CARD6: variants seen among roughly 807,000 people sequenced by gnomAD.
CARD6 encodes the protein caspase recruitment domain family member 6, also known as caspase recruitment domain-containing protein 6.
In CARD6, 27 loss-of-function variants were observed where a neutral mutation model predicts 23.6. The ratio of observed to expected loss-of-function variants is 1.14; its 90% CI spans 0.84 to 1.58. The LOEUF (loss-of-function observed/expected upper bound fraction) is 1.58. Ranked by LOEUF, CARD6 falls within the 40% of genes most tolerant of loss-of-function variation. The probability of loss-of-function intolerance (pLI) is 0.00; values close to 1 mark genes in which losing one functional copy is unlikely to be tolerated. For synonymous variants in CARD6, 397 were observed against 431.8 expected (o/e 0.92, Z 1.00); for missense variants, 1,214 against 1,209.9 (o/e 1.00, Z -0.05).
Position 40,853,219 on chromosome 5 carries a change from C to G in CARD6, c.1887C>G (p.Leu629=). 1 of 1,614,132 alleles carries G rather than the reference C, an allele frequency of 6.2e-7. No homozygotes were observed. Among genetic ancestry groups the G allele is most frequent in the South Asian group, 1.1e-5 (1 of 91,080 alleles). Residue 629 remains leucine, a synonymous_variant, in exon 3 of 3, where the codon CTC becomes CTG. Transcript: ENST00000254691. ...ACATGGAGGGCCTTCAAGCTGCCCT[C>G]CAGGAAGTGATGTTCTCTTCTTGCC... ...RKNMEGLQAA[L]QEVMFSSCLR... is the part of the protein sequence containing the mutation.
At position 40,854,053 on chromosome 5, in the gene CARD6, A is replaced by G. The variant is rs769316058; in HGVS notation, c.2721A>G (p.Lys907=). The G allele has an allele frequency of 8.1e-6, 13 of 1,614,034 alleles. No homozygotes were observed. The Admixed American group carries it at 1.8e-4, about 23-fold the overall frequency. ...QSFQPAAATQ[K]LRPASQQGVQ... ...TTCAACCAGCAGCAGCCACACAAAA[A>G]CTAAGACCTGCTTCTCAGCAAGGAG... Residue 907 remains lysine, a synonymous_variant, in exon 3 of 3, where the codon AAA becomes AAG. Coordinates refer to ENST00000254691, the MANE Select transcript of CARD6 (RefSeq NM_032587.4).
rs758517030 is a variant in CARD6, at chr5:40,852,168, C to G, written c.842-6C>G. ...ATGGCATTCACTATTATCTTCTCTC[C>G]TACAGAAAGAAAAAAGGTGTTTAAA... On this transcript the variant is annotated splice_polypyrimidine_tract_variant and splice_region_variant and intron_variant, in intron 2 of 2. Transcript: ENST00000254691. 1.3e-6 allele frequency: 2 copies of G among 1,566,576 alleles called. No individual in the cohort carries two copies. Among genetic ancestry groups the G allele is most frequent in the Admixed American group, 3.5e-5 (2 of 56,800 alleles).
At position 40,843,290 on chromosome 5, in the gene CARD6, A is replaced by G. The variant is rs1242997361; in HGVS notation, c.422A>G (p.Asp141Gly). The G allele has an allele frequency of 1.2e-6, 2 of 1,614,160 alleles. No individual in the cohort carries two copies. The highest frequency in any genetic ancestry group is 1.7e-6 in the Non-Finnish European group (2 of 1,180,022). The stretch of plus-strand genomic sequence containing the variant: ...TTCTTCAGTGAGAAGGAACACTTGG[A>G]TTTGGAAACCTCTGAGTTTTTCAGG... ...TVFFSEKEHL[D>G]LETSEFFRDK... Residue 141 changes from aspartate to glycine, a missense_variant, in exon 2 of 3, where the codon GAT becomes GGT. Coordinates refer to ENST00000254691, the MANE Select transcript of CARD6 (RefSeq NM_032587.4).
rs1489541993 is a variant in CARD6 at position 40,841,528 on chromosome 5, A to G, written c.146A>G (p.Asn49Ser). The G allele has an allele frequency of 6.2e-7, 1 of 1,614,158 alleles. No individual in the cohort carries two copies. The highest frequency in any genetic ancestry group is 8.5e-7 in the Non-Finnish European group (1 of 1,180,004). ...GAGGAAGAGTATGAGACTCTGGAGAATGTTACAGATCTCCTGAAGAAAAGT... is the reference window on the plus strand; with the variant it reads ...GAGGAAGAGTATGAGACTCTGGAGAGTGTTACAGATCTCCTGAAGAAAAGT... ...ISEEEYETLE[N>S]VTDLLKKSRK... is the part of the protein sequence containing the mutation. The change falls in exon 1 of 3, where the codon AAT becomes AGT. Residue 49 changes from asparagine to serine, a missense_variant. Coordinates refer to ENST00000254691, the MANE Select transcript of CARD6 (RefSeq NM_032587.4).
intron 2 of CARD6, among the ~76,000 whole-genome samples, chr5:40,848,201 AT>A: frequency 7.0e-6 from 1 of 143,670 alleles, no homozygotes; most frequent in East Asian, 2.2e-4. Flanking sequence ...GACTTACTTA[AT>A]TTTAATTGTT....
At chr5:40,843,004 C>T (rs1403441257) in intron 1 of CARD6, 148 bp from the exon 2 acceptor site, 4 of 607,944 alleles carry the variant, frequency 6.6e-6, no homozygotes, top group Non-Finnish European at 1.1e-5. Flanking sequence ...TGCCATTGCA[C>T]TCCAGCCTCG....
At chr5:40,844,689 A>G (rs577196727) in intron 2 of CARD6, among the ~76,000 whole-genome samples, 2 of 152,278 alleles carry the variant, frequency 1.3e-5, no homozygotes, top group African/African-American at 2.4e-5. Flanking sequence ...TAATCCACTT[A>G]TGGGTAGGAA....
chr5:40,853,268 A>G lies in CARD6; in HGVS notation c.1936A>G (p.Met646Val), dbSNP rs1418202433. 6.2e-7 allele frequency: 1 copy of G among 1,614,048 alleles called. No individual in the cohort carries two copies. The highest frequency in any genetic ancestry group is 1.1e-5 in the South Asian group (1 of 91,082). Residue 646 changes from methionine to valine, a missense_variant, in exon 3 of 3, where the codon ATG (methionine) becomes GTG (valine). By Grantham distance (21) the Met-to-Val change is conservative. Coordinates refer to ENST00000254691, the MANE Select transcript of CARD6 (RefSeq NM_032587.4). ...SCLRCVSVED[M>V]AALARELGIQ... is the part of the protein sequence containing the mutation. ...CCTCAGATGTGTGTCTGTGGAGGAT[A>G]TGGCCGCCCTGGCCAGGGAGCTGGG... is the stretch of plus-strand genomic sequence containing the variant.
rs756806898 is a variant in CARD6 at position 40,852,825 on chromosome 5, G to A, written c.1493G>A (p.Arg498Gln). ...GATTTGCCTCTTTTGGTGCTTCCCC[G>A]GCAAATCTCTGATGGCCTGGTTGAG... ...HQDLPLLVLPRQISDGLVEIT... is the reference protein window; with the variant it reads ...HQDLPLLVLPQQISDGLVEIT... Residue 498 changes from arginine (R) to glutamine (Q), a missense_variant, in exon 3 of 3, where the codon CGG becomes CAG. Transcript: ENST00000254691. 13 of 1,614,112 alleles carry A rather than the reference G, an allele frequency of 8.1e-6. No homozygotes were observed. Among genetic ancestry groups the A allele is most frequent in the South Asian group, 1.1e-5 (1 of 91,074 alleles).
chr5:40,841,750 C>A, intron 1 of CARD6, 85 bp downstream of exon 1: 2 of 1,163,792 alleles, frequency 1.7e-6, no homozygotes, highest in Admixed American at 5.6e-5. Flanking sequence ...AAAATTGTTG[C>A]CTTTTATTTT....
chr5:40,848,943 C>T (rs1408702122), intron 2 of CARD6, among the ~76,000 whole-genome samples: 1 of 152,024 alleles, frequency 6.6e-6, no homozygotes, highest in Non-Finnish European at 1.5e-5. Context: ...TTGCTTTGAT[C>T]TGCTCCATAG....
rs553204411 is a variant in CARD6 at position 40,854,478 on chromosome 5, C to T, written c.*32C>T. On this transcript the variant is annotated 3_prime_UTR_variant, in exon 3 of 3. Coordinates refer to ENST00000254691, the MANE Select transcript of CARD6 (RefSeq NM_032587.4). ...AACTCCAGAGATCTATAAAGCATATCCTTTACCCAGGCCATTCCTATCATA... is the reference window on the plus strand; with the variant it reads ...AACTCCAGAGATCTATAAAGCATATTCTTTACCCAGGCCATTCCTATCATA... 32 of 1,545,586 alleles carry T rather than the reference C, an allele frequency of 2.1e-5. No homozygotes were observed. In the South Asian group the frequency reaches 2.8e-4, roughly 14 times the overall value.
In CARD6 at chr5:40,852,335, G is replaced by A; in HGVS notation, c.1003G>A (p.Ala335Thr). 1.2e-6 allele frequency: 2 copies of A among 1,614,154 alleles called. No homozygotes were observed. The highest frequency in any genetic ancestry group is 1.7e-6 in the Non-Finnish European group (2 of 1,180,012). ...LAWNFLMKVQ[A>T]RDVTARDSIL... ...CTGGAATTTCCTGATGAAAGTTCAA[G>A]CACGAGATGTGACGGCTAGGGATTC... The change falls in exon 3 of 3, where the codon GCA (alanine) becomes ACA (threonine). Residue 335 changes from alanine to threonine, a missense_variant. By Grantham distance (58) the Ala-to-Thr change is moderately conservative. Coordinates refer to ENST00000254691, the MANE Select transcript of CARD6 (RefSeq NM_032587.4).
intron 1 of CARD6, 39 bp downstream of exon 1, chr5:40,841,704 G>T: frequency 3.5e-6 from 5 of 1,425,790 alleles, no homozygotes; most frequent in Non-Finnish European, 4.7e-6. Context: ...TGAGAGGAAG[G>T]GGGCAGACTT....
chr5:40,843,721 T>A lies in CARD6; in HGVS notation c.841+12T>A. On this transcript the variant is annotated intron_variant, in intron 2 of 2. Coordinates refer to ENST00000254691, the MANE Select transcript of CARD6 (RefSeq NM_032587.4). The stretch of plus-strand genomic sequence containing the variant: ...GAAAAGTATAGAAGGTATGGAAATA[T>A]CTTGTATAGTTAGTTAGGCAACAAC... The A allele has an allele frequency of 1.4e-6, 2 of 1,478,152 alleles. No homozygotes were observed. The highest frequency in any genetic ancestry group is 2.8e-5 in the African/African-American group (2 of 70,916). The allele number at this position is 1,478,152 out of a possible 1,614,324, so 91.6% of individuals were successfully genotyped here.
Position 40,854,064 on chromosome 5 carries a change from C to T in CARD6, c.2732C>T (p.Ala911Val), listed in dbSNP as rs528423407. ...PAAATQKLRPASQQGVQMKTQ... is the reference protein window; with the variant it reads ...PAAATQKLRPVSQQGVQMKTQ... ...GCAGCCACACAAAAACTAAGACCTGCTTCTCAGCAAGGAGTCCAGATGAAG... is the reference window on the plus strand; with the variant it reads ...GCAGCCACACAAAAACTAAGACCTGTTTCTCAGCAAGGAGTCCAGATGAAG... Residue 911 changes from alanine (A) to valine (V), a missense_variant, in exon 3 of 3, where the codon GCT (alanine) becomes GTT (valine). Coordinates refer to ENST00000254691, the MANE Select transcript of CARD6 (RefSeq NM_032587.4). 12 of 1,614,184 alleles carry T rather than the reference C, an allele frequency of 7.4e-6. No homozygotes were observed. The African/African-American group carries it at 1.1e-4, about 14-fold the overall frequency.
Position 40,854,442 on chromosome 5 carries a change from A to G in CARD6, c.3110A>G (p.His1037Arg), listed in dbSNP as rs1407132631. ...SKAGQKRGGKH is the reference protein window; with the variant it reads ...SKAGQKRGGKR ...GCAGGGCAGAAGAGGGGAGGGAAGC[A>G]TTAAAGAGCTAACTCCAGAGATCTA... is the stretch of plus-strand genomic sequence containing the variant. The change falls in exon 3 of 3, where the codon CAT becomes CGT. Residue 1037 changes from histidine (H) to arginine (R), a missense_variant. Coordinates refer to ENST00000254691, the MANE Select transcript of CARD6 (RefSeq NM_032587.4). 6.2e-7 allele frequency: 1 copy of G among 1,609,982 alleles called. No homozygotes were observed. Among genetic ancestry groups the G allele is most frequent in the Admixed American group, 1.7e-5 (1 of 59,948 alleles).
chr5:40,852,122 G>C (rs550071812), intron 2 of CARD6, 52 bp from the exon 3 acceptor site: 5 of 1,206,560 alleles, frequency 4.1e-6, no homozygotes, highest in Non-Finnish European at 5.9e-6. Flanking sequence ...GAAGTCGATG[G>C]GGAAAATTGA....
chr5:40,854,655 A>C lies in CARD6; in HGVS notation c.*209A>C, dbSNP rs1009550260. On this transcript the variant is annotated 3_prime_UTR_variant, in exon 3 of 3. Transcript: ENST00000254691. ...GCCCAGGCTGGAGTGCAATGGCACG[A>C]TCTCGGCTCACCGCAACCTCTGCTT... 1.7e-4 allele frequency: 93 copies of C among 535,380 alleles called. No individual in the cohort carries two copies. The highest frequency in any genetic ancestry group is 5.4e-4 in the South Asian group (22 of 41,066). 33.2% of individuals were successfully genotyped at this position (535,380 alleles called of 1,614,324 possible).
Sources: allele counts gnomAD v4.1 joint callset (sites outside exome capture counted in the v4.1 genomes callset), GRCh38; gene constraint gnomAD v4.1.1; transcripts MANE v1.5; gene names NCBI Gene and HGNC (gene_info 2026-07-23, HGNC 2026-07-21).